Variants in GALNTL6 observed in about 807,000 individuals in gnomAD.
The protein encoded by GALNTL6 is polypeptide N-acetylgalactosaminyltransferase-like 6.
Under a neutral mutation model 73.7 loss-of-function variants are expected in GALNTL6, and 46 were observed. The ratio of observed to expected loss-of-function variants is 0.62; its 90% confidence interval spans 0.49 to 0.80. GALNTL6 has a LOEUF of 0.80. Ranked by LOEUF, GALNTL6 falls within the 30% of genes least tolerant of loss-of-function variation. The probability of loss-of-function intolerance (pLI) is 0.00; values close to 1 mark genes in which losing one functional copy is unlikely to be tolerated. For synonymous variants in GALNTL6, 259 were observed against 263.7 expected (o/e 0.98, Z 0.17); for missense variants, 604 against 755.0 (o/e 0.80, Z 2.34).
intron 5 of GALNTL6, among the ~76,000 whole-genome samples, chr4:172,547,958 C>A (rs1735832343): frequency 6.6e-6 from 1 of 152,146 alleles, no homozygotes; most frequent in Non-Finnish European, 1.5e-5. Context: ...TACAGTTTAA[C>A]AACCACTTGG....
intron 2 of GALNTL6, among the ~76,000 whole-genome samples, chr4:171,955,072 T>C (rs1391833479): frequency 6.6e-6 from 1 of 152,164 alleles, no homozygotes; most frequent in South Asian, 2.1e-4. Flanking sequence ...AGTCTTAAAA[T>C]ATCTGATTAC....
chr4:172,222,256 C>A (rs960723316), intron 2 of GALNTL6, among the ~76,000 whole-genome samples: 1 of 151,844 alleles, frequency 6.6e-6, no homozygotes, highest in Non-Finnish European at 1.5e-5. Flanking sequence ...ATGAAAATCT[C>A]ATTAAAAAGT....
rs145368245 is a variant in GALNTL6 at position 173,023,936 on chromosome 4, A to C, written c.1638+2311A>C. Among the ~76,000 whole-genome samples, 293 of 152,304 alleles carry C rather than the reference A, an allele frequency of 1.9e-3. 2 individuals carry two copies. The highest frequency in any genetic ancestry group is 6.8e-3 in the African/African-American group (283 of 41,568). On this transcript the variant is annotated intron_variant, in intron 12 of 12. Coordinates refer to ENST00000506823, the MANE Select transcript of GALNTL6 (RefSeq NM_001034845.3). ...ATCTAAAGAGTTACTTTCTGCGCAC[A>C]TCGATAAAATAGCTGACTGGCCATT...
intron 2 of GALNTL6, among the ~76,000 whole-genome samples, chr4:171,856,217 C>T (rs1374885396): frequency 1.3e-5 from 2 of 152,104 alleles, no homozygotes; most frequent in African/African-American, 4.8e-5. Context: ...ATTCTTCCAT[C>T]TCAGCCTCCT....
At chr4:172,051,474 G>T (rs7667747) in intron 2 of GALNTL6, among the ~76,000 whole-genome samples, 147,954 of 152,142 alleles carry the variant, frequency 0.97, 72,071 homozygotes, top group Middle Eastern at 1. Context: ...GTGGGATGGA[G>T]GGGGAGCTGG....
chr4:172,162,159 G>A (rs1000569557), intron 2 of GALNTL6, among the ~76,000 whole-genome samples: 1 of 151,948 alleles, frequency 6.6e-6, no homozygotes, highest in Non-Finnish European at 1.5e-5. Flanking sequence ...ACTATGATCA[G>A]AGAGTGGTGT....
chr4:172,264,514 ATTATAT>A lies in GALNTL6; in HGVS notation c.247+34760_247+34765del, dbSNP rs1202733950. On this transcript the variant is annotated intron_variant, in intron 3 of 12. Transcript: ENST00000506823. ...TATACTTATATTTATATATTTATATATTATATTTATATTTAAATAAGGTTGGCATAA... is the reference window on the plus strand; with the variant it reads ...TATACTTATATTTATATATTTATATATTATATTTAAATAAGGTTGGCATAA... Among the ~76,000 whole-genome samples the A allele has an allele frequency of 3.6e-5, 5 of 139,660 alleles. No homozygotes were observed. In the Admixed American group the frequency reaches 3.7e-4, roughly 10 times the overall value. The allele number at this position is 139,660 out of a possible 152,430, so 91.6% of individuals were successfully genotyped here. A position where few individuals can be genotyped will look rare whatever the true frequency, so the allele number is the denominator to read the frequency against.
At chr4:172,167,987 A>C (rs1734687042) in intron 2 of GALNTL6, among the ~76,000 whole-genome samples, 1 of 150,430 alleles carries the variant, frequency 6.6e-6, no homozygotes, top group South Asian at 2.1e-4. Context: ...AAAAAAAAAG[A>C]AACATTTCTG....
chr4:172,102,397 T>A (rs1198543994), intron 2 of GALNTL6, among the ~76,000 whole-genome samples: 1 of 152,194 alleles, frequency 6.6e-6, no homozygotes, highest in African/African-American at 2.4e-5. Flanking sequence ...GAGGACTGTC[T>A]AGCTGGTCTT....
intron 10 of GALNTL6, among the ~76,000 whole-genome samples, chr4:172,978,877 T>C (rs532626483): frequency 6.6e-6 from 1 of 152,346 alleles, no homozygotes; most frequent in Admixed American, 6.5e-5. Flanking sequence ...CATCTCTGTT[T>C]AAATTTCAGC....
At chr4:172,952,306 C>A in intron 10 of GALNTL6, 48 bp downstream of exon 10, 2 of 1,368,838 alleles carry the variant, frequency 1.5e-6, no homozygotes, top group Non-Finnish European at 2.1e-6. Flanking sequence ...AGACTGTGTG[C>A]CTCCCCCATA....
At chr4:172,259,762 T>C (rs574969458) in intron 3 of GALNTL6, among the ~76,000 whole-genome samples, 5 of 151,720 alleles carry the variant, frequency 3.3e-5, no homozygotes, top group African/African-American at 1.2e-4. Context: ...AAGTCTTTGA[T>C]CCATCTTGAG....
At chr4:172,737,635 A>T (rs1437850) in intron 5 of GALNTL6, among the ~76,000 whole-genome samples, 146,487 of 152,292 alleles carry the variant, frequency 0.96, 70,707 homozygotes, top group East Asian at 1. Flanking sequence ...TTTTGATTTG[A>T]CCTTTTGGAG....
Position 172,824,396 on chromosome 4 carries a change from T to G in GALNTL6, c.923+10673T>G, listed in dbSNP as rs61080265. Among the ~76,000 whole-genome samples the G allele has an allele frequency of 2.9e-3, 241 of 83,648 alleles. 3 individuals carry two copies. The highest frequency in any genetic ancestry group is 0.019 in the African/African-American group (168 of 9,016). The allele number at this position is 83,648 out of a possible 152,430, so 54.9% of individuals were successfully genotyped here. On this transcript the variant is annotated intron_variant, in intron 7 of 12. Coordinates refer to ENST00000506823, the MANE Select transcript of GALNTL6 (RefSeq NM_001034845.3). ...TGTGTGAGTGTGTGTGTGTGTGTGT[T>G]TGTGTGTGTGTGTTCATGTGTGTGT...
At position 173,040,033 on chromosome 4, in the gene GALNTL6, A is replaced by G; in HGVS notation, c.1739A>G (p.Gln580Arg). ...MARCDPLSETQQWIFEHINMT... is the reference protein window; with the variant it reads ...MARCDPLSETRQWIFEHINMT... Reference sequence around the variant, plus strand: ...AGATGTGACCCTCTCTCTGAGACTCAGCAGTGGATTTTTGAACACATTAAT... The same window carrying G: ...AGATGTGACCCTCTCTCTGAGACTCGGCAGTGGATTTTTGAACACATTAAT... The change falls in exon 13 of 13, where the codon CAG (glutamine) becomes CGG (arginine). Residue 580 changes from glutamine (Q) to arginine (R), a missense_variant. Coordinates refer to ENST00000506823, the MANE Select transcript of GALNTL6 (RefSeq NM_001034845.3). The G allele has an allele frequency of 6.2e-7, 1 of 1,613,586 alleles. No homozygotes were observed. Among genetic ancestry groups the G allele is most frequent in the Non-Finnish European group, 8.5e-7 (1 of 1,179,456 alleles).
chr4:172,809,912 TACACACACACACACAC>T lies in GALNTL6; in HGVS notation c.739+390_739+405del, dbSNP rs5864170. On this transcript the variant is annotated intron_variant, in intron 6 of 12. Transcript: ENST00000506823. This position sits in a 1 kb window ranked among gnomAD's most constrained non-coding sequence, Gnocchi z 4.4. ...TCCTGTAGCTACAGCAAGATTAAAA[TACACACACACACACAC>T]ACACACACACACACACACACACATT... Among the ~76,000 whole-genome samples the T allele has an allele frequency of 3.3e-4, 47 of 141,238 alleles. No homozygotes were observed. Among genetic ancestry groups the T allele is most frequent in the African/African-American group, 1.0e-3 (39 of 38,460 alleles). 92.7% of individuals were successfully genotyped at this position (141,238 alleles called of 152,430 possible). A position where few individuals can be genotyped will look rare whatever the true frequency, so the allele number is the denominator to read the frequency against.
At chr4:172,847,407 C>T (rs924069750) in intron 7 of GALNTL6, among the ~76,000 whole-genome samples, 2 of 152,010 alleles carry the variant, frequency 1.3e-5, no homozygotes, top group Non-Finnish European at 2.9e-5. Flanking sequence ...AGTTAAGACA[C>T]GTGCACAAAT....
At chr4:172,307,979 C>CCATGAG (rs1227256627) in intron 3 of GALNTL6, among the ~76,000 whole-genome samples, 3 of 134,112 alleles carry the variant, frequency 2.2e-5, no homozygotes, top group Non-Finnish European at 4.7e-5. Context: ...TTCTACCCAT[C>CCATGAG]CATGAGCATG....
At chr4:172,138,913 TTCC>T (rs1267881589) in intron 2 of GALNTL6, among the ~76,000 whole-genome samples, 5 of 152,126 alleles carry the variant, frequency 3.3e-5, no homozygotes, top group Non-Finnish European at 7.4e-5. Flanking sequence ...AAATTATTTC[TTCC>T]TCTACTAAAG....
Sources: allele counts gnomAD v4.1 joint callset (sites outside exome capture counted in the v4.1 genomes callset), GRCh38; gene constraint gnomAD v4.1.1; non-coding constraint Gnocchi (gnomAD v3.1); transcripts MANE v1.5; gene names NCBI Gene and HGNC (gene_info 2026-07-23, HGNC 2026-07-21).